L3MBTL4: variants seen among roughly 807,000 people sequenced by gnomAD.
L3MBTL4 encodes the protein L3MBTL histone methyl-lysine binding protein 4.
A neutral mutation model predicts 84.5 loss-of-function variants in L3MBTL4; 70 were observed. The observed-to-expected ratio is 0.83, with a 90% CI of 0.68 to 1.01. The LOEUF is 1.01. Ranked by LOEUF, L3MBTL4 falls within the 50% of genes least tolerant of loss-of-function variation. The pLI is 0.00. For synonymous variants in L3MBTL4, 274 were observed against 259.8 expected, an observed-to-expected ratio of 1.05 and a Z score of -0.52; for missense variants, 715 against 754.8, an observed-to-expected ratio of 0.95 and a Z score of 0.62.
At chr18:5,958,056 GAGA>G (rs1280864525) in intron 18 of L3MBTL4, among the ~76,000 whole-genome samples, 20 of 130,380 alleles carry the variant, frequency 1.5e-4, no homozygotes, top group Middle Eastern at 3.6e-3. Flanking sequence ...GAAGGAGAAG[GAGA>G]AGGAGAAGAA....
rs548597308 is a variant in L3MBTL4, at chr18:6,063,284, C to T, written c.1444+17597G>A. ...ACTATATCTTTGCAACTGAGACTTG[C>T]GCTACTATAAATATCTGTGTGTGTG... On this transcript the variant is annotated intron_variant, in intron 16 of 18. Coordinates refer to ENST00000317931, the MANE Select transcript of L3MBTL4 (RefSeq NM_001330559.2). Among the ~76,000 whole-genome samples the T allele has an allele frequency of 8.5e-4, 124 of 145,282 alleles. 2 individuals are homozygous for T. The highest frequency in any genetic ancestry group is 7.0e-3 in the Middle Eastern group (2 of 284).
At chr18:6,271,241 T>C (rs1369700386) in intron 4 of L3MBTL4, among the ~76,000 whole-genome samples, 1 of 152,194 alleles carries the variant, frequency 6.6e-6, no homozygotes, top group Non-Finnish European at 1.5e-5. Context: ...ATTTCAAATG[T>C]CCTCTCTGCA....
intron 4 of L3MBTL4, among the ~76,000 whole-genome samples, chr18:6,301,122 CTTAT>C (rs1390737685): frequency 6.6e-6 from 1 of 152,016 alleles, no homozygotes; most frequent in Non-Finnish European, 1.5e-5. Flanking sequence ...AATCTCAATT[CTTAT>C]TTGTCATTTT....
chr18:5,993,354 G>A (rs2053792773), intron 16 of L3MBTL4, among the ~76,000 whole-genome samples: 1 of 152,202 alleles, frequency 6.6e-6, no homozygotes. Context: ...ATGGGCTGAA[G>A]AACAGCCTGT....
intron 10 of L3MBTL4, among the ~76,000 whole-genome samples, chr18:6,220,763 C>T (rs2145879969): frequency 6.6e-6 from 1 of 152,250 alleles, no homozygotes; most frequent in Non-Finnish European, 1.5e-5. Flanking sequence ...TTTCCTGAAA[C>T]ATTTACATTT....
At chr18:6,384,051 T>C (rs764591380) in intron 1 of L3MBTL4, among the ~76,000 whole-genome samples, 3 of 152,202 alleles carry the variant, frequency 2.0e-5, no homozygotes, top group Non-Finnish European at 4.4e-5. Flanking sequence ...ACTGACTTTT[T>C]AGAAACAGCT....
At chr18:6,036,545 C>T (rs1422592455) in intron 16 of L3MBTL4, among the ~76,000 whole-genome samples, 1 of 152,186 alleles carries the variant, frequency 6.6e-6, no homozygotes, top group East Asian at 1.9e-4. Flanking sequence ...TCTTCCCCTA[C>T]TTTGAACATC....
intron 13 of L3MBTL4, among the ~76,000 whole-genome samples, chr18:6,138,743 G>A (rs975321137): frequency 6.6e-6 from 1 of 152,048 alleles, no homozygotes; most frequent in African/African-American, 2.4e-5. Flanking sequence ...GTAGAGACAG[G>A]GTTTCACCAC....
intron 1 of L3MBTL4, among the ~76,000 whole-genome samples, chr18:6,407,147 A>G (rs1048064298): frequency 2.7e-4 from 41 of 152,228 alleles, no homozygotes. Context: ...TTGTCCTCAT[A>G]GTAAAAGAAT....
At chr18:6,272,605 A>AGGAG (rs1269484094) in intron 4 of L3MBTL4, among the ~76,000 whole-genome samples, 1 of 75,154 alleles carries the variant, frequency 1.3e-5, no homozygotes, top group African/African-American at 4.6e-5. Context: ...GGTTCTACAG[A>AGGAG]GCGGCGCCTT....
chr18:6,378,087 T>C (rs1367170866), intron 1 of L3MBTL4, among the ~76,000 whole-genome samples: 1 of 152,216 alleles, frequency 6.6e-6, no homozygotes. Flanking sequence ...ATGAGCATTT[T>C]TCATGTTTGT....
intron 12 of L3MBTL4, among the ~76,000 whole-genome samples, chr18:6,173,456 A>G (rs2044074673): frequency 6.6e-6 from 1 of 152,102 alleles, no homozygotes. Context: ...TTAAAAGACA[A>G]AGTATTGGAA....
intron 16 of L3MBTL4, among the ~76,000 whole-genome samples, chr18:5,986,395 T>G (rs2053466920): frequency 6.6e-6 from 1 of 152,240 alleles, no homozygotes; most frequent in Admixed American, 6.5e-5. Context: ...TTCACTGCTC[T>G]TTCCATTAAC....
At chr18:6,349,894 G>C (rs1357833448) in intron 1 of L3MBTL4, among the ~76,000 whole-genome samples, 1 of 152,072 alleles carries the variant, frequency 6.6e-6, no homozygotes, top group Non-Finnish European at 1.5e-5. Flanking sequence ...TTCTTGATCT[G>C]AATGCTGGTT....
intron 14 of L3MBTL4, among the ~76,000 whole-genome samples, chr18:6,130,237 G>C (rs1281175830): frequency 1.3e-5 from 2 of 152,086 alleles, no homozygotes; most frequent in African/African-American, 4.8e-5. Context: ...AACCTGACTA[G>C]TGAGACTGAC....
At chr18:6,069,051 A>G (rs138621287) in intron 16 of L3MBTL4, among the ~76,000 whole-genome samples, 161 of 152,348 alleles carry the variant, frequency 1.1e-3, no homozygotes, top group Non-Finnish European at 1.9e-3. Flanking sequence ...GGATCCAGAA[A>G]TGTGAACTAA....
intron 1 of L3MBTL4, among the ~76,000 whole-genome samples, chr18:6,409,899 G>A (rs1021988664): frequency 6.6e-6 from 1 of 152,148 alleles, no homozygotes; most frequent in Non-Finnish European, 1.5e-5. Flanking sequence ...TCATGCTAGA[G>A]ATCAGAGGAG....
At chr18:6,198,839 C>A (rs1375640529) in intron 12 of L3MBTL4, among the ~76,000 whole-genome samples, 1 of 152,166 alleles carries the variant, frequency 6.6e-6, no homozygotes, top group African/African-American at 2.4e-5. Context: ...CAGACATGTT[C>A]TCTTAGTCTG....
chr18:6,305,541 C>CA (rs748698927), intron 3 of L3MBTL4, among the ~76,000 whole-genome samples: 6 of 152,224 alleles, frequency 3.9e-5, no homozygotes, highest in Admixed American at 1.3e-4. Context: ...GAAATCAATA[C>CA]AAAATGCGAA....
Sources: allele counts gnomAD v4.1 joint callset (sites outside exome capture counted in the v4.1 genomes callset), GRCh38; gene constraint gnomAD v4.1.1; transcripts MANE v1.5; gene names NCBI Gene and HGNC (gene_info 2026-07-23, HGNC 2026-07-21).